The following BMPER variants were observed in gnomAD, a reference collection of about 807,000 sequenced individuals.
BMPER encodes BMP-binding endothelial regulator protein.
Under a neutral mutation model 87.3 loss-of-function variants are expected in BMPER, and 45 were observed. The ratio of observed to expected loss-of-function variants is 0.52; its 90% CI spans 0.41 to 0.66. BMPER has a LOEUF of 0.66. Ranked by LOEUF, BMPER falls within the 30% of genes least tolerant of loss-of-function variation. BMPER has a pLI of 0.00. For missense variants in BMPER, 784 were observed against 867.5 expected (o/e 0.90, Z 1.21); for synonymous variants, 326 against 316.2 (o/e 1.03, Z -0.33).
chr7:34,123,829 A>C (rs932186405), intron 13 of BMPER, among the ~76,000 whole-genome samples: 20 of 152,200 alleles, frequency 1.3e-4, no homozygotes, highest in African/African-American at 4.6e-4. Context: ...ATTAGGATCC[A>C]CATTAGATTT....
intron 6 of BMPER, among the ~76,000 whole-genome samples, chr7:34,036,201 G>T (rs996545939): frequency 6.6e-6 from 1 of 152,178 alleles, no homozygotes; most frequent in African/African-American, 2.4e-5. Context: ...CAGTAGGCTT[G>T]TAACAGCTTT....
chr7:34,046,236 G>A, intron 6 of BMPER, 70 bp from the exon 7 acceptor site: 2 of 1,439,912 alleles, frequency 1.4e-6, no homozygotes, highest in South Asian at 2.3e-5. Flanking sequence ...GTTTGTTCTA[G>A]ATATCTTGGT....
intron 2 of BMPER, among the ~76,000 whole-genome samples, chr7:33,927,944 A>G (rs1255866657): frequency 6.6e-6 from 1 of 152,144 alleles, no homozygotes; most frequent in Non-Finnish European, 1.5e-5. Context: ...TTTATTATTC[A>G]TCATGTGCTG....
intron 13 of BMPER, among the ~76,000 whole-genome samples, chr7:34,108,224 A>T (rs185858864): frequency 1.3e-5 from 2 of 152,320 alleles, no homozygotes; most frequent in African/African-American, 4.8e-5. Flanking sequence ...CGATATACTG[A>T]TCCCTGGCAG....
At chr7:34,004,803 A>G (rs1201988304) in intron 6 of BMPER, among the ~76,000 whole-genome samples, 1 of 152,080 alleles carries the variant, frequency 6.6e-6, no homozygotes. Flanking sequence ...GAAGTTTACA[A>G]CCCTGCTTAT....
chr7:33,993,281 A>T (rs1445581389), intron 6 of BMPER, among the ~76,000 whole-genome samples: 1 of 151,592 alleles, frequency 6.6e-6, no homozygotes. Context: ...TGGTCTTTTC[A>T]CATAGTCCCA....
intron 3 of BMPER, among the ~76,000 whole-genome samples, chr7:33,941,659 T>C (rs752493260): frequency 6.6e-6 from 1 of 152,084 alleles, no homozygotes; most frequent in Non-Finnish European, 1.5e-5. Context: ...TGTGCTTCCA[T>C]GAGAATCTAA....
intron 3 of BMPER, among the ~76,000 whole-genome samples, chr7:33,964,639 A>T (rs1785358500): frequency 6.6e-6 from 1 of 152,212 alleles, no homozygotes; most frequent in African/African-American, 2.4e-5. Context: ...AATAATCCAG[A>T]CAGCCTGGTG....
At chr7:33,958,751 A>C (rs1785203752) in intron 3 of BMPER, among the ~76,000 whole-genome samples, 1 of 152,116 alleles carries the variant, frequency 6.6e-6, no homozygotes, top group African/African-American at 2.4e-5. Context: ...TGGGGGTAAA[A>C]TGTTATCTGT....
chr7:33,997,788 C>T (rs996825331), intron 6 of BMPER, among the ~76,000 whole-genome samples: 1 of 152,172 alleles, frequency 6.6e-6, no homozygotes, highest in African/African-American at 2.4e-5. Flanking sequence ...GACTCTTCCC[C>T]AGATGCCCAC....
chr7:34,149,306 G>A (rs1791111858), intron 14 of BMPER, among the ~76,000 whole-genome samples: 1 of 152,162 alleles, frequency 6.6e-6, no homozygotes, highest in African/African-American at 2.4e-5. Flanking sequence ...CTCTGATTAA[G>A]GACTATAGCT....
chr7:34,012,686 T>C (rs1786914505), intron 6 of BMPER, among the ~76,000 whole-genome samples: 1 of 151,752 alleles, frequency 6.6e-6, no homozygotes, highest in Non-Finnish European at 1.5e-5. Context: ...AATAGAAGAA[T>C]TAAACCAGCA....
intron 13 of BMPER, among the ~76,000 whole-genome samples, chr7:34,086,570 G>A (rs1789216738): frequency 1.3e-5 from 2 of 152,300 alleles, no homozygotes; most frequent in Admixed American, 6.5e-5. Flanking sequence ...CATCAAATGT[G>A]CACATGGAAA....
intron 10 of BMPER, among the ~76,000 whole-genome samples, chr7:34,060,261 A>T (rs1431051407): frequency 6.6e-6 from 1 of 151,476 alleles, no homozygotes; most frequent in Admixed American, 6.6e-5. Flanking sequence ...CGAGATGTGG[A>T]TGTAGGGAAT....
intron 2 of BMPER, among the ~76,000 whole-genome samples, chr7:33,924,944 G>C (rs902037952): frequency 6.6e-6 from 1 of 152,184 alleles, no homozygotes; most frequent in East Asian, 1.9e-4. Flanking sequence ...TTACAGGCGC[G>C]AGCCACTGCA....
intron 13 of BMPER, among the ~76,000 whole-genome samples, chr7:34,116,391 T>C (rs1387566806): frequency 6.6e-6 from 1 of 152,204 alleles, no homozygotes; most frequent in Non-Finnish European, 1.5e-5. Flanking sequence ...ATTCAGCTTA[T>C]TGACTCATTC....
At position 34,058,181 on chromosome 7, in the gene BMPER, A is replaced by G. The variant is rs545159711; in HGVS notation, c.1032+18A>G. 2.5e-6 allele frequency: 4 copies of G among 1,606,224 alleles called. No homozygotes were observed. The highest frequency in any genetic ancestry group is 4.5e-5 in the East Asian group (2 of 44,818). ...GCCCACAGGTATGTTTGGAACACAGATTGACTTTACCTTAGCGTCTTGAGA... is the reference window on the plus strand; with the variant it reads ...GCCCACAGGTATGTTTGGAACACAGGTTGACTTTACCTTAGCGTCTTGAGA... On this transcript the variant is annotated intron_variant, in intron 10 of 14. Transcript: ENST00000649409.
At chr7:34,086,352 G>A (rs1252955982) in intron 13 of BMPER, among the ~76,000 whole-genome samples, 1 of 152,186 alleles carries the variant, frequency 6.6e-6, no homozygotes, top group African/African-American at 2.4e-5. Context: ...TTACTGGAAA[G>A]CTGGCTACAC....
At position 34,051,924 on chromosome 7, in the gene BMPER, A is replaced by G. The variant is rs754977036; in HGVS notation, c.740A>G (p.Asn247Ser). 6 of 1,613,864 alleles carry G rather than the reference A, an allele frequency of 3.7e-6. No homozygotes were observed. Among genetic ancestry groups the G allele is most frequent in the Admixed American group, 1.7e-5 (1 of 59,996 alleles). The change falls in exon 8 of 15, where the codon AAT becomes AGT. Residue 247 changes from asparagine (N) to serine (S), a missense_variant. Asn to Ser is a conservative substitution (Grantham distance 46, BLOSUM62 1). Transcript: ENST00000649409. ...SCLFRSDVYDNGSSFLYDNCT... is the reference protein window; with the variant it reads ...SCLFRSDVYDSGSSFLYDNCT... ...CTCTTTCGAAGTGATGTTTATGACA[A>G]TGGATCCTCATTTCTGTACGATAAC...
Sources: gnomAD v4.1 joint callset for allele counts (sites outside exome capture counted in the v4.1 genomes callset) on GRCh38, gnomAD v4.1.1 for gene constraint, MANE v1.5 for transcripts, NCBI Gene and HGNC (gene_info 2026-07-23, HGNC 2026-07-21) for gene names.